ZBBX: variants seen among roughly 807,000 people sequenced by gnomAD.
ZBBX encodes the protein zinc finger B-box domain containing.
A neutral mutation model predicts 108.5 loss-of-function variants in ZBBX; 101 were observed. The ratio of observed to expected loss-of-function variants is 0.93; its 90% CI spans 0.79 to 1.10. The LOEUF (loss-of-function observed/expected upper bound fraction) is 1.10. Among genes scored for constraint, ZBBX ranks in the 50% least tolerant of loss-of-function variants. ZBBX has a pLI of 0.00. For missense variants in ZBBX, 1,009 were observed against 941.4 expected, an observed-to-expected ratio of 1.07 and a Z score of -0.94; for synonymous variants, 356 against 323.4, an observed-to-expected ratio of 1.10 and a Z score of -1.08.
At chr3:167,371,933 GC>G (rs1271502690) in intron 4 of ZBBX, among the ~76,000 whole-genome samples, 1 of 152,186 alleles carries the variant, frequency 6.6e-6, no homozygotes, top group East Asian at 1.9e-4. Context: ...GATAGTCTGG[GC>G]TGGGTGCACT....
chr3:167,194,979 A>G, the ZBBX span, among the ~76,000 whole-genome samples: 1 of 152,206 alleles, frequency 6.6e-6, no homozygotes, highest in South Asian at 2.1e-4. Context: ...CCTGAAAATT[A>G]CCCTTTAAGG....
At chr3:167,362,186 A>T (rs894547935) in intron 6 of ZBBX, among the ~76,000 whole-genome samples, 5 of 152,142 alleles carry the variant, frequency 3.3e-5, no homozygotes, top group African/African-American at 1.2e-4. Flanking sequence ...ATGCATATGT[A>T]TATATACATA....
chr3:167,227,450 G>A, the ZBBX span, among the ~76,000 whole-genome samples: 1 of 151,630 alleles, frequency 6.6e-6, no homozygotes, highest in Non-Finnish European at 1.5e-5. Flanking sequence ...CTACTGGTAG[G>A]CTGATTCTTG....
chr3:167,369,928 A>G (rs1322712462), intron 4 of ZBBX, among the ~76,000 whole-genome samples: 1 of 152,232 alleles, frequency 6.6e-6, no homozygotes, highest in East Asian at 1.9e-4. Context: ...GTTCTCTGTG[A>G]CCAGACATTA....
intron 9 of ZBBX, among the ~76,000 whole-genome samples, chr3:167,344,008 A>G (rs1243343401): frequency 6.6e-6 from 1 of 151,976 alleles, no homozygotes; most frequent in Non-Finnish European, 1.5e-5. Context: ...AAAATATGCT[A>G]TATCAAACAA....
At chr3:167,267,228 G>C (rs542577597) in intron 20 of ZBBX, among the ~76,000 whole-genome samples, 1 of 152,306 alleles carries the variant, frequency 6.6e-6, no homozygotes, top group South Asian at 2.1e-4. Context: ...TCCATGATAA[G>C]AGGGACCTGA....
At chr3:167,349,514 T>C (rs982326165) in intron 9 of ZBBX, among the ~76,000 whole-genome samples, 12 of 152,158 alleles carry the variant, frequency 7.9e-5, no homozygotes, top group Admixed American at 5.2e-4. Context: ...TTACATTTTG[T>C]GGTTATCATT....
chr3:167,384,790 T>C (rs1462978321), upstream of ZBBX, among the ~76,000 whole-genome samples: 2 of 152,080 alleles, frequency 1.3e-5, no homozygotes, highest in South Asian at 2.1e-4. Context: ...GCAACCTGAA[T>C]GAATTTATTC....
upstream of ZBBX, among the ~76,000 whole-genome samples, chr3:167,384,992 A>G (rs986344563): frequency 3.3e-5 from 5 of 152,206 alleles, no homozygotes; most frequent in Non-Finnish European, 7.4e-5. Context: ...CACAATTCAC[A>G]TGATGGAGTC....
chr3:167,334,228 T>C (rs529417164), intron 9 of ZBBX, among the ~76,000 whole-genome samples: 1 of 152,300 alleles, frequency 6.6e-6, no homozygotes, highest in South Asian at 2.1e-4. Context: ...CACTTAATCA[T>C]CAAGGCAATT....
chr3:167,253,171 T>G (rs1191163999), intron 20 of ZBBX, among the ~76,000 whole-genome samples: 1 of 152,122 alleles, frequency 6.6e-6, no homozygotes, highest in South Asian at 2.1e-4. Flanking sequence ...ACAATTGACA[T>G]AATAACTTTG....
rs576408712 is a variant in ZBBX, at chr3:167,274,844, C to T, written c.2254+7394G>A. ...GACCCCAGCCCATGGGGGAAGGACA[C>T]AGAGATAGGGATCGCGTTAAGGATA... On this transcript the variant is annotated intron_variant, in intron 20 of 21. Transcript: ENST00000675490. 2.6e-5 allele frequency among the ~76,000 whole-genome samples: 4 copies of T among 152,240 alleles called. No homozygotes were observed. The South Asian group carries it at 8.3e-4, about 32-fold the overall frequency.
intron 12 of ZBBX, among the ~76,000 whole-genome samples, chr3:167,321,454 C>T (rs1224729874): frequency 2.0e-5 from 3 of 151,894 alleles, no homozygotes; most frequent in Non-Finnish European, 2.9e-5. Context: ...GATGGTTTTG[C>T]GTAACTGAAG....
chr3:167,401,502 T>C (rs897807010), intron 1 of ZBBX: 8 of 152,290 alleles, frequency 5.3e-5, no homozygotes, highest in African/African-American at 1.9e-4. Flanking sequence ...TGGTTGCTTA[T>C]TTTTATGGCC....
the ZBBX span, among the ~76,000 whole-genome samples, chr3:167,190,952 C>T: frequency 6.6e-6 from 1 of 152,148 alleles, no homozygotes; most frequent in Non-Finnish European, 1.5e-5. Context: ...TCAGTCCTGG[C>T]CTGAAAGCTT....
chr3:167,238,906 A>C (rs774547994), downstream of ZBBX, among the ~76,000 whole-genome samples: 1 of 152,128 alleles, frequency 6.6e-6, no homozygotes, highest in Non-Finnish European at 1.5e-5. Flanking sequence ...CAGTCCTTCA[A>C]ACTGGCTGTA....
the ZBBX span, among the ~76,000 whole-genome samples, chr3:167,194,919 G>A: frequency 6.6e-6 from 1 of 152,118 alleles, no homozygotes; most frequent in Admixed American, 6.5e-5. Context: ...AGCACCAGGA[G>A]GAAGCAATGA....
At chr3:167,402,670 A>G (rs1446015408) in intron 1 of ZBBX, among the ~76,000 whole-genome samples, 2 of 152,160 alleles carry the variant, frequency 1.3e-5, no homozygotes, top group Non-Finnish European at 1.5e-5. Flanking sequence ...TAAAAGATCT[A>G]TCTTCAATAG....
Position 167,315,843 on chromosome 3 carries a change from T to C in ZBBX, c.1195-14A>G, listed in dbSNP as rs780157086. 2.1e-5 allele frequency: 31 copies of C among 1,496,596 alleles called. No individual in the cohort carries two copies. The highest frequency in any genetic ancestry group is 2.7e-5 in the Non-Finnish European group (29 of 1,091,752). 92.7% of individuals were successfully genotyped at this position (1,496,596 alleles called of 1,614,324 possible). On this transcript the variant is annotated splice_polypyrimidine_tract_variant and intron_variant, in intron 14 of 21. Coordinates refer to ENST00000675490, the MANE Select transcript of ZBBX (RefSeq NM_001199201.2). ...CTCTTCATAAGTCTTATTAAATTAA[T>C]GTTATATAATATTAGTAAGTTCATA...
Sources: gnomAD v4.1 joint callset for allele counts (sites outside exome capture counted in the v4.1 genomes callset) on GRCh38, gnomAD v4.1.1 for gene constraint, MANE v1.5 for transcripts, NCBI Gene and HGNC (gene_info 2026-07-23, HGNC 2026-07-21) for gene names.